The following BICDL1 variants were observed in gnomAD, a reference collection of about 807,000 sequenced individuals.
BICDL1 encodes BICD family-like cargo adapter 1.
In BICDL1, 20 loss-of-function variants were observed where a neutral mutation model predicts 76.8. That is an observed-to-expected ratio of 0.26 (90% CI 0.18 to 0.38). BICDL1 has a LOEUF of 0.38. Ranked by LOEUF, BICDL1 falls within the 10% of genes least tolerant of loss-of-function variation. The pLI, the probability that BICDL1 is intolerant of heterozygous loss-of-function variation, is 1.00. For missense variants in BICDL1, 700 were observed against 798.6 expected (o/e 0.88, Z 1.49); for synonymous variants, 383 against 337.1 (o/e 1.14, Z -1.49).
intron 1 of BICDL1, among the ~76,000 whole-genome samples, chr12:119,994,776 C>G (rs759554033): frequency 6.6e-6 from 1 of 152,238 alleles, no homozygotes; most frequent in Non-Finnish European, 1.5e-5. Context: ...GCATGAGCCA[C>G]TGCGCCCAGC....
At chr12:120,034,961 A>G (rs1238450049) in intron 2 of BICDL1, among the ~76,000 whole-genome samples, 1 of 152,112 alleles carries the variant, frequency 6.6e-6, no homozygotes, top group Non-Finnish European at 1.5e-5. Flanking sequence ...TTTTTCCCCC[A>G]TAGCTCTTAG....
At chr12:120,074,177 G>A (rs1873343015) in intron 6 of BICDL1, among the ~76,000 whole-genome samples, 1 of 152,144 alleles carries the variant, frequency 6.6e-6, no homozygotes, top group Non-Finnish European at 1.5e-5. Context: ...CTCCCAAAGT[G>A]CTGGGATTAC....
intron 2 of BICDL1, among the ~76,000 whole-genome samples, chr12:120,012,919 G>C (rs1439943416): frequency 6.6e-6 from 1 of 152,200 alleles, no homozygotes; most frequent in East Asian, 1.9e-4. Flanking sequence ...ACCTCCCATA[G>C]GGTGGGCTAT....
At chr12:120,082,899 G>T (rs888546159) in intron 8 of BICDL1, among the ~76,000 whole-genome samples, 4 of 151,142 alleles carry the variant, frequency 2.6e-5, no homozygotes, top group African/African-American at 9.7e-5. Flanking sequence ...TATTTTTTTT[G>T]AGAGAAATTC....
intron 8 of BICDL1, among the ~76,000 whole-genome samples, chr12:120,086,137 T>A (rs893895063): frequency 2.0e-5 from 3 of 152,128 alleles, no homozygotes; most frequent in African/African-American, 7.2e-5. Context: ...GACTTGCAAA[T>A]TCTCCCCTCT....
At chr12:120,057,916 C>T (rs575477233) in intron 2 of BICDL1, among the ~76,000 whole-genome samples, 11 of 150,954 alleles carry the variant, frequency 7.3e-5, no homozygotes, top group African/African-American at 2.4e-4. Context: ...CTGCAAGCTC[C>T]GCCTCCCGGG....
At chr12:120,013,140 G>T (rs907082099) in intron 2 of BICDL1, among the ~76,000 whole-genome samples, 1 of 151,766 alleles carries the variant, frequency 6.6e-6, no homozygotes, top group African/African-American at 2.4e-5. Flanking sequence ...GCGAAACCCC[G>T]TCTCTACTAA....
intron 2 of BICDL1, among the ~76,000 whole-genome samples, chr12:120,032,740 C>G (rs1190781298): frequency 6.9e-6 from 1 of 145,820 alleles, no homozygotes; most frequent in Non-Finnish European, 1.5e-5. Flanking sequence ...CTAAATACAT[C>G]TATAATTTTT....
At chr12:120,026,263 C>T (rs1434041380) in intron 2 of BICDL1, among the ~76,000 whole-genome samples, 4 of 152,090 alleles carry the variant, frequency 2.6e-5, no homozygotes, top group South Asian at 4.2e-4. Flanking sequence ...AGAAGATTAT[C>T]CTAATGTCTG....
chr12:120,034,443 A>C (rs1226878885), intron 2 of BICDL1, among the ~76,000 whole-genome samples: 5 of 152,228 alleles, frequency 3.3e-5, no homozygotes, highest in African/African-American at 1.2e-4. Flanking sequence ...GAGCTTGAAC[A>C]GAGGCATCTG....
intron 2 of BICDL1, among the ~76,000 whole-genome samples, chr12:120,027,760 T>G (rs940452845): frequency 7.9e-5 from 12 of 152,250 alleles, no homozygotes; most frequent in African/African-American, 2.9e-4. Context: ...TATAGTGTAG[T>G]AAGCATCCAA....
At chr12:119,994,678 C>T (rs1328574646) in intron 1 of BICDL1, among the ~76,000 whole-genome samples, 3 of 152,034 alleles carry the variant, frequency 2.0e-5, no homozygotes, top group African/African-American at 7.2e-5. Context: ...TTAGTAGAGA[C>T]GGGGTTTCAC....
At chr12:120,052,886 C>T (rs1465291297) in intron 2 of BICDL1, among the ~76,000 whole-genome samples, 2 of 152,186 alleles carry the variant, frequency 1.3e-5, no homozygotes, top group African/African-American at 4.8e-5. Context: ...ATTCTCCTGC[C>T]TCAGCCTCCT....
At chr12:120,065,810 A>G (rs1451703476) in intron 4 of BICDL1, among the ~76,000 whole-genome samples, 1 of 152,226 alleles carries the variant, frequency 6.6e-6, no homozygotes, top group Non-Finnish European at 1.5e-5. Flanking sequence ...GCCTTGGGGT[A>G]TGGGATAAGG....
chr12:120,091,915 G>A (rs1042920996), intron 9 of BICDL1: 23 of 985,108 alleles, frequency 2.3e-5, no homozygotes, highest in African/African-American at 3.5e-5. Context: ...CAGGGAGCCT[G>A]CCCTGAACAC....
chr12:120,014,859 T>C (rs1275269351), intron 2 of BICDL1, among the ~76,000 whole-genome samples: 2 of 152,026 alleles, frequency 1.3e-5, no homozygotes, highest in Non-Finnish European at 2.9e-5. Context: ...AAAAAAATTA[T>C]TTGTATGTCA....
At chr12:119,997,014 T>C (rs1419036286) in intron 1 of BICDL1, among the ~76,000 whole-genome samples, 1 of 151,666 alleles carries the variant, frequency 6.6e-6, no homozygotes, top group East Asian at 1.9e-4. Flanking sequence ...AGTGGCGCGA[T>C]CTCGGCTCAC....
chr12:120,009,524 T>C (rs1291695445), intron 2 of BICDL1, among the ~76,000 whole-genome samples: 1 of 152,204 alleles, frequency 6.6e-6, no homozygotes, highest in East Asian at 1.9e-4. Context: ...TAGTCTTTCT[T>C]TTTACCTTGA....
At chr12:120,015,064 G>C (rs1952032842) in intron 2 of BICDL1, among the ~76,000 whole-genome samples, 1 of 152,122 alleles carries the variant, frequency 6.6e-6, no homozygotes. Context: ...CCTCAAGAGA[G>C]GACACATAAT....
Sources: gnomAD v4.1 joint callset for allele counts (sites outside exome capture counted in the v4.1 genomes callset) on GRCh38, gnomAD v4.1.1 for gene constraint, MANE v1.5 for transcripts, NCBI Gene and HGNC (gene_info 2026-07-23, HGNC 2026-07-21) for gene names.